TAOK3: variants seen among roughly 807,000 people sequenced by gnomAD.
The protein encoded by TAOK3 is serine/threonine-protein kinase TAO3.
A neutral mutation model predicts 120.4 loss-of-function variants in TAOK3; 40 were observed. The observed-to-expected ratio is 0.33, with a 90% CI of 0.26 to 0.43. The LOEUF is 0.43. Among genes scored for constraint, TAOK3 ranks in the 20% least tolerant of loss-of-function variants. TAOK3 has a pLI of 1.00. For synonymous variants in TAOK3, 355 were observed against 387.5 expected (o/e 0.92, Z 0.99); for missense variants, 821 against 1,112.1 (o/e 0.74, Z 3.72).
chr12:118,232,234 T>G (rs1350617909), intron 9 of TAOK3, among the ~76,000 whole-genome samples: 1 of 152,252 alleles, frequency 6.6e-6, no homozygotes, highest in African/African-American at 2.4e-5. Flanking sequence ...GAAGTAAGCT[T>G]AAGATATATT....
At chr12:118,255,203 A>G (rs1281831982) in intron 3 of TAOK3, among the ~76,000 whole-genome samples, 1 of 152,264 alleles carries the variant, frequency 6.6e-6, no homozygotes, top group East Asian at 1.9e-4. Context: ...TTTAATTTAT[A>G]GAAAAATCAC....
At position 118,371,723 on chromosome 12, in the gene TAOK3, G is replaced by T. The variant is rs1041223676; in HGVS notation, c.-194+925C>A. Among the ~76,000 whole-genome samples, 1 of 152,018 alleles carries T rather than the reference G, an allele frequency of 6.6e-6. No individual in the cohort carries two copies. Among genetic ancestry groups the T allele is most frequent in the Non-Finnish European group, 1.5e-5 (1 of 67,946 alleles). ...CGCAACTCAGCGGGCGCGACCCCCC[G>T]CCCGCTCCCTCGCTGCTCACGCCGG... On this transcript the variant is annotated intron_variant, in intron 1 of 20. Transcript: ENST00000392533. The surrounding 1 kb of genome is among the most constrained non-coding windows in gnomAD (Gnocchi z 5.5).
At chr12:118,289,686 T>C (rs1174128518) in intron 1 of TAOK3, among the ~76,000 whole-genome samples, 1 of 152,138 alleles carries the variant, frequency 6.6e-6, no homozygotes, top group Non-Finnish European at 1.5e-5. Context: ...CAAAGATTTA[T>C]TTAAAATTTA....
intron 14 of TAOK3, among the ~76,000 whole-genome samples, chr12:118,188,938 G>GTA (rs1407229500): frequency 1.3e-5 from 2 of 152,030 alleles, no homozygotes; most frequent in African/African-American, 4.8e-5. Flanking sequence ...GTGTGTGTGT[G>GTA]TGTGTGAGTG....
intron 1 of TAOK3, among the ~76,000 whole-genome samples, chr12:118,364,533 G>C (rs893983448): frequency 6.6e-6 from 1 of 152,122 alleles, no homozygotes; most frequent in Non-Finnish European, 1.5e-5. Context: ...TTTGGAAAAA[G>C]TCAGGAGCCA....
At chr12:118,231,765 A>T (rs190619766) in intron 9 of TAOK3, among the ~76,000 whole-genome samples, 1 of 151,880 alleles carries the variant, frequency 6.6e-6, no homozygotes, top group African/African-American at 2.4e-5. Flanking sequence ...CTCTATTAAA[A>T]ACACAAAATT....
At chr12:118,219,210 A>C (rs935230380) in intron 9 of TAOK3, among the ~76,000 whole-genome samples, 2 of 151,710 alleles carry the variant, frequency 1.3e-5, no homozygotes, top group Non-Finnish European at 1.5e-5. Context: ...TGGTCTGGAC[A>C]CCCCTCTCCC....
chr12:118,270,381 A>C (rs2041645811), intron 1 of TAOK3, among the ~76,000 whole-genome samples: 1 of 152,174 alleles, frequency 6.6e-6, no homozygotes, highest in Non-Finnish European at 1.5e-5. Flanking sequence ...CATGGTTCAG[A>C]TAATATCACA....
chr12:118,201,951 T>G (rs1037435676), intron 11 of TAOK3, among the ~76,000 whole-genome samples: 1 of 152,080 alleles, frequency 6.6e-6, no homozygotes, highest in Non-Finnish European at 1.5e-5. Context: ...ACCATTTGAC[T>G]TTCATCTTTC....
intron 13 of TAOK3, among the ~76,000 whole-genome samples, chr12:118,194,131 C>A (rs1012585126): frequency 6.6e-6 from 1 of 152,196 alleles, no homozygotes; most frequent in Non-Finnish European, 1.5e-5. Flanking sequence ...CACATAAGCA[C>A]ACCTTTACAC....
At position 118,255,506 on chromosome 12, in the gene TAOK3, T is replaced by G. The variant is rs369537011; in HGVS notation, c.62A>C (p.Glu21Ala). ...IADLFYKDDP[E>A]ELFIGLHEIG... ...TTCATGCAAACCAATAAAAAGTTCC[T>G]CAGGATCATCTTTGTAGAATAGATC... The change falls in exon 3 of 21, where the codon GAG (glutamate) becomes GCG (alanine). Residue 21 changes from glutamate to alanine, a missense_variant. Coordinates refer to ENST00000392533, the MANE Select transcript of TAOK3 (RefSeq NM_016281.4). 5.4e-5 allele frequency: 87 copies of G among 1,614,018 alleles called. No individual in the cohort carries two copies. Among genetic ancestry groups the G allele is most frequent in the Middle Eastern group, 1.6e-4 (1 of 6,082 alleles).
intron 1 of TAOK3, among the ~76,000 whole-genome samples, chr12:118,334,851 G>A (rs923420984): frequency 2.0e-5 from 3 of 151,228 alleles, no homozygotes; most frequent in Non-Finnish European, 4.4e-5. Context: ...ACTCCAGCTT[G>A]GGGCTTGGGT....
intron 6 of TAOK3, among the ~76,000 whole-genome samples, chr12:118,238,852 A>T (rs529246948): frequency 6.6e-6 from 1 of 152,298 alleles, no homozygotes; most frequent in Non-Finnish European, 1.5e-5. Context: ...TTATAGCAGC[A>T]TCTGCAGAGA....
rs532679609 is a variant in TAOK3, at chr12:118,339,545, G to T, written c.-194+33103C>A. 8.0e-5 allele frequency among the ~76,000 whole-genome samples: 12 copies of T among 150,812 alleles called. 1 individual carries two copies. The South Asian group carries it at 2.3e-3, about 29-fold the overall frequency. Reference sequence around the variant, plus strand: ...TCATATCAGAGGGCTTTGAAAGAGAGATATTTATTAAGCATTTTAGTTGCT... The same window carrying T: ...TCATATCAGAGGGCTTTGAAAGAGATATATTTATTAAGCATTTTAGTTGCT... On this transcript the variant is annotated intron_variant, in intron 1 of 20. Coordinates refer to ENST00000392533, the MANE Select transcript of TAOK3 (RefSeq NM_016281.4).
chr12:118,282,586 T>C (rs2042133616), intron 1 of TAOK3, among the ~76,000 whole-genome samples: 2 of 152,182 alleles, frequency 1.3e-5, no homozygotes, highest in Non-Finnish European at 2.9e-5. Context: ...AGAAAATAAA[T>C]GTATTTGTAA....
intron 13 of TAOK3, among the ~76,000 whole-genome samples, chr12:118,191,437 T>A (rs2037425850): frequency 6.6e-6 from 1 of 152,232 alleles, no homozygotes; most frequent in Non-Finnish European, 1.5e-5. Context: ...CAGCCACATA[T>A]GACTATTTTA....
At chr12:118,323,065 T>G (rs1374323920) in intron 1 of TAOK3, among the ~76,000 whole-genome samples, 2 of 152,052 alleles carry the variant, frequency 1.3e-5, no homozygotes, top group African/African-American at 4.8e-5. Context: ...CACAACAGAT[T>G]TGGTCTGCAG....
chr12:118,244,517 TTTC>T lies in TAOK3; in HGVS notation c.192+374_192+376del, dbSNP rs1269689265. On this transcript the variant is annotated intron_variant, in intron 4 of 20. Coordinates refer to ENST00000392533, the MANE Select transcript of TAOK3 (RefSeq NM_016281.4). ...AAAAAAGTTTAAAGAATTTTGTTAA[TTTC>T]TTTTTTCTTTTTCTTTTTTTTTTTT... Among the ~76,000 whole-genome samples the T allele has an allele frequency of 8.4e-3, 985 of 117,586 alleles. 8 individuals carry two copies. The highest frequency in any genetic ancestry group is 0.013 in the Non-Finnish European group (679 of 54,066). 77.1% of individuals were successfully genotyped at this position (117,586 alleles called of 152,430 possible).
At chr12:118,157,865 C>CAG (rs2034949414) in intron 19 of TAOK3, among the ~76,000 whole-genome samples, 2 of 152,206 alleles carry the variant, frequency 1.3e-5, no homozygotes, top group African/African-American at 4.8e-5. Flanking sequence ...TCCCAACTAA[C>CAG]AGAAGTCTTT....
Sources: gnomAD v4.1 joint callset for allele counts (sites outside exome capture counted in the v4.1 genomes callset) on GRCh38, gnomAD v4.1.1 for gene constraint, Gnocchi (gnomAD v3.1) non-coding constraint, MANE v1.5 for transcripts, NCBI Gene and HGNC (gene_info 2026-07-23, HGNC 2026-07-21) for gene names.